Variants in PTPRM observed in about 807,000 individuals in gnomAD.
The protein encoded by PTPRM is receptor-type tyrosine-protein phosphatase mu.
In PTPRM, 47 loss-of-function variants were observed where a neutral mutation model predicts 186.7. That is an observed-to-expected ratio of 0.25 (90% CI 0.20 to 0.32). The LOEUF (loss-of-function observed/expected upper bound fraction) is 0.32. PTPRM is among the 10% of genes least tolerant of loss of function. The probability of loss-of-function intolerance (pLI) is 1.00; values close to 1 mark genes in which losing one functional copy is unlikely to be tolerated. For synonymous variants in PTPRM, 668 were observed against 674.9 expected (o/e 0.99, Z 0.16); for missense variants, 1,494 against 1,865.0 (o/e 0.80, Z 3.66).
chr18:8,351,582 G>A (rs558390629), intron 23 of PTPRM, among the ~76,000 whole-genome samples: 2 of 151,906 alleles, frequency 1.3e-5, no homozygotes, highest in East Asian at 4.1e-4. Flanking sequence ...CCACAGGGAC[G>A]GCCTCTCTGT....
At chr18:7,745,393 C>T (rs920054889) in intron 1 of PTPRM, among the ~76,000 whole-genome samples, 6 of 152,182 alleles carry the variant, frequency 3.9e-5, no homozygotes, top group Non-Finnish European at 7.3e-5. Context: ...GTCTCAGCCT[C>T]TCAGCCTGAA....
chr18:8,236,492 G>A (rs1392942435), intron 14 of PTPRM, among the ~76,000 whole-genome samples: 2 of 152,016 alleles, frequency 1.3e-5, no homozygotes, highest in African/African-American at 2.4e-5. Context: ...TAGATCATAT[G>A]TAGTTGAGTT....
At chr18:8,059,405 G>A (rs1470175464) in intron 7 of PTPRM, among the ~76,000 whole-genome samples, 2 of 66,834 alleles carry the variant, frequency 3.0e-5, no homozygotes, top group Non-Finnish European at 5.7e-5. Context: ...TGCAAACAGG[G>A]ACAATTTGAC....
intron 19 of PTPRM, among the ~76,000 whole-genome samples, chr18:8,278,321 C>T (rs2094860556): frequency 3.3e-5 from 5 of 152,182 alleles, no homozygotes; most frequent in African/African-American, 9.6e-5. Flanking sequence ...AACCTGAGTG[C>T]ACAATTCCAA....
chr18:8,284,316 G>T (rs912909381), intron 19 of PTPRM, among the ~76,000 whole-genome samples: 2 of 152,062 alleles, frequency 1.3e-5, no homozygotes, highest in African/African-American at 4.8e-5. Context: ...TGCCCCTAAG[G>T]TTTTAATCTA....
chr18:7,842,887 G>GTGTATA lies in PTPRM; in HGVS notation c.197-45218_197-45217insGTATAT, dbSNP rs373873606. 5.7e-3 allele frequency among the ~76,000 whole-genome samples: 721 copies of GTGTATA among 127,186 alleles called. 5 individuals carry two copies. Among genetic ancestry groups the GTGTATA allele is most frequent in the Middle Eastern group, 0.016 (4 of 248 alleles). The allele number at this position is 127,186 out of a possible 152,430, so 83.4% of individuals were successfully genotyped here. A position where few individuals can be genotyped will look rare whatever the true frequency, so the allele number is the denominator to read the frequency against. ...ATATATATATATATGTTTCTCGTGT[G>GTGTATA]TATATATATATATGTTTCTCATATG... On this transcript the variant is annotated intron_variant, in intron 2 of 32. Transcript: ENST00000580170.
At chr18:8,173,086 A>G (rs780338641) in intron 14 of PTPRM, among the ~76,000 whole-genome samples, 13 of 152,244 alleles carry the variant, frequency 8.5e-5, no homozygotes, top group South Asian at 2.1e-4. Flanking sequence ...TGAGATGACT[A>G]CTTACTCAAA....
intron 2 of PTPRM, among the ~76,000 whole-genome samples, chr18:7,834,491 T>TACGCACACACACAC (rs2045924177): frequency 1.2e-5 from 1 of 84,606 alleles, no homozygotes; most frequent in Non-Finnish European, 2.3e-5. Flanking sequence ...TATACAAGTA[T>TACGCACACACACAC]ACACACACAC....
intron 1 of PTPRM, among the ~76,000 whole-genome samples, chr18:7,681,411 ATG>A (rs1200872095): frequency 2.0e-5 from 3 of 152,078 alleles, no homozygotes; most frequent in Non-Finnish European, 4.4e-5. Context: ...TAATGAGCAA[ATG>A]TGTAATTGTT....
chr18:7,578,332 A>ATTT (rs34096793), intron 1 of PTPRM, among the ~76,000 whole-genome samples: 5 of 121,552 alleles, frequency 4.1e-5, no homozygotes, highest in Non-Finnish European at 6.6e-5. Context: ...TGGCTAATTA[A>ATTT]TTTTTTTTTT....
At chr18:8,279,059 C>T (rs567935155) in intron 19 of PTPRM, among the ~76,000 whole-genome samples, 1 of 151,676 alleles carries the variant, frequency 6.6e-6, no homozygotes, top group East Asian at 1.9e-4. Flanking sequence ...CACATGTACC[C>T]TAGAACTTAA....
At chr18:7,826,462 T>G (rs2045488595) in intron 2 of PTPRM, among the ~76,000 whole-genome samples, 1 of 152,216 alleles carries the variant, frequency 6.6e-6, no homozygotes, top group South Asian at 2.1e-4. Flanking sequence ...TCCTGGGATG[T>G]CAAGCATTGT....
intron 32 of PTPRM, among the ~76,000 whole-genome samples, chr18:8,402,210 G>C (rs1024276262): frequency 6.6e-6 from 1 of 152,188 alleles, no homozygotes; most frequent in Non-Finnish European, 1.5e-5. Flanking sequence ...CAGGTGCTTG[G>C]GGGAGGGGAC....
At chr18:7,846,586 C>A (rs1178677609) in intron 2 of PTPRM, among the ~76,000 whole-genome samples, 1 of 152,192 alleles carries the variant, frequency 6.6e-6, no homozygotes, top group Non-Finnish European at 1.5e-5. Flanking sequence ...TGGTTGTTAT[C>A]CTTACAGGAT....
At chr18:8,299,131 G>T (rs747916452) in intron 20 of PTPRM, among the ~76,000 whole-genome samples, 1 of 152,050 alleles carries the variant, frequency 6.6e-6, no homozygotes, top group Non-Finnish European at 1.5e-5. Context: ...CAGAGATCCT[G>T]CCCATTTGTC....
chr18:7,650,443 A>AACC (rs2038670215), intron 1 of PTPRM, among the ~76,000 whole-genome samples: 2 of 105,012 alleles, frequency 1.9e-5, no homozygotes, highest in African/African-American at 5.3e-5. Context: ...CAACTTTCAA[A>AACC]TCCCCCCCCC....
chr18:8,086,771 G>A (rs183799138), intron 10 of PTPRM, among the ~76,000 whole-genome samples: 26 of 152,236 alleles, frequency 1.7e-4, no homozygotes, highest in Admixed American at 1.4e-3. Flanking sequence ...CTAGAGTATT[G>A]TAAGTGTTTG....
At chr18:8,134,535 C>T (rs972771649) in intron 13 of PTPRM, among the ~76,000 whole-genome samples, 3 of 152,016 alleles carry the variant, frequency 2.0e-5, no homozygotes, top group Admixed American at 6.6e-5. Context: ...ATTCCTTTTC[C>T]TCATCCACAT....
chr18:7,621,459 T>C (rs779827546), intron 1 of PTPRM, among the ~76,000 whole-genome samples: 10 of 151,862 alleles, frequency 6.6e-5, no homozygotes, highest in South Asian at 2.1e-4. Context: ...TGAACCCACA[T>C]TGACATGCCG....
Sources: gnomAD v4.1 joint callset for allele counts (sites outside exome capture counted in the v4.1 genomes callset) on GRCh38, gnomAD v4.1.1 for gene constraint, MANE v1.5 for transcripts, NCBI Gene and HGNC (gene_info 2026-07-23, HGNC 2026-07-21) for gene names.